Variants in CHD4 observed in about 807,000 individuals in gnomAD.
The protein encoded by CHD4 is ATP-dependent chromatin remodeler CHD4.
In CHD4, 35 loss-of-function variants were observed where a neutral mutation model predicts 235.5. The observed-to-expected ratio is 0.15, with a 90% CI of 0.11 to 0.20. CHD4 has a LOEUF of 0.20. CHD4 is among the 10% of genes least tolerant of loss of function. The pLI is 1.00. For missense variants in CHD4, 1,329 were observed against 2,432.3 expected (o/e 0.55, Z 9.54); for synonymous variants, 900 against 850.2 (o/e 1.06, Z -1.02).
Position 6,599,902 on chromosome 12 carries a change from G to A in CHD4, c.1353C>T (p.Phe451=), listed in dbSNP as rs778512761. Residue 451 remains phenylalanine (F), a synonymous_variant, in exon 10 of 40, where the codon TTC becomes TTT. Transcript: ENST00000544040. ...CCCCACCATCCTTGCAGACCCGACA[G>A]AATTCCATATGGTGGTCATCCTCCT... ...LEEEDDHHME[F]CRVCKDGGEL... 10 of 1,614,160 alleles carry A rather than the reference G, an allele frequency of 6.2e-6. 1 individual carries two copies. The Admixed American group carries it at 6.7e-5, about 11-fold the overall frequency.
intron 37 of CHD4, 43 bp downstream of exon 37, chr12:6,577,742 C>G (rs372040899): frequency 5.6e-6 from 9 of 1,610,766 alleles, no homozygotes; most frequent in Non-Finnish European, 5.9e-6. Flanking sequence ...TACGCACTTT[C>G]AAGTTTGTCA....
rs1043887908 is a variant in CHD4 at position 6,597,485 on chromosome 12, G to C, written c.1892+409C>G. ...TGTCTCAAAATAAATATATAAGGCT[G>C]AGCGTGGTGGCTCACGCCTGTTAAT... is the stretch of plus-strand genomic sequence containing the variant. On this transcript the variant is annotated intron_variant, in intron 12 of 39. Transcript: ENST00000544040. Among the ~76,000 whole-genome samples the C allele has an allele frequency of 2.0e-5, 3 of 151,160 alleles. 1 individual carries two copies. The East Asian group carries it at 5.9e-4, about 30-fold the overall frequency.
At chr12:6,602,761 C>T (rs992826590) in intron 2 of CHD4, among the ~76,000 whole-genome samples, 1 of 152,152 alleles carries the variant, frequency 6.6e-6, no homozygotes, top group Admixed American at 6.5e-5. Flanking sequence ...CTCTCCCGTT[C>T]CTACCAGTCC....
At chr12:6,587,253 G>A in intron 25 of CHD4, 131 bp downstream of exon 25, 1 of 873,542 alleles carries the variant, frequency 1.1e-6, no homozygotes, top group Non-Finnish European at 1.8e-6. Context: ...GTTTTCAAAG[G>A]AAGAGGATCA....
intron 37 of CHD4, among the ~76,000 whole-genome samples, chr12:6,576,221 G>T (rs1592259202): frequency 6.6e-6 from 1 of 152,260 alleles, no homozygotes; most frequent in East Asian, 1.9e-4. Context: ...GCTGGGCGTG[G>T]TGGCACACGC....
intron 5 of CHD4, 49 bp from the exon 6 acceptor site, chr12:6,601,579 A>T: frequency 6.2e-7 from 1 of 1,612,930 alleles, no homozygotes. Context: ...AGAATAAAAA[A>T]AGAAAGAGAA....
In CHD4 at chr12:6,578,387, G is replaced by C. The variant is rs763918604; in HGVS notation, c.5119+22C>G. On this transcript the variant is annotated intron_variant, in intron 35 of 39. Transcript: ENST00000544040. ...TTTCACATCAGATCCTTCTAACCCTGGTGGGCCCCTCATTTCCATACCAGT... is the reference window on the plus strand; with the variant it reads ...TTTCACATCAGATCCTTCTAACCCTCGTGGGCCCCTCATTTCCATACCAGT... 53 of 1,608,928 alleles carry C rather than the reference G, an allele frequency of 3.3e-5. No homozygotes were observed. In the South Asian group the frequency reaches 4.8e-4, roughly 14 times the overall value.
chr12:6,577,987 C>T (rs1948100993), intron 36 of CHD4, 42 bp downstream of exon 36: 2 of 1,611,748 alleles, frequency 1.2e-6, no homozygotes, highest in Admixed American at 1.7e-5. Flanking sequence ...ACCTTCAGAA[C>T]CTTTCACCAA....
chr12:6,574,587 C>T (rs780557518), intron 37 of CHD4, among the ~76,000 whole-genome samples: 1 of 152,192 alleles, frequency 6.6e-6, no homozygotes, highest in African/African-American at 2.4e-5. Flanking sequence ...TGTCAGCCAG[C>T]AGTTCTATGC....
At chr12:6,580,288 G>A (rs889154136) in intron 33 of CHD4, 5 of 151,992 alleles carry the variant, frequency 3.3e-5, no homozygotes, top group African/African-American at 1.2e-4. Context: ...CTTAAGTTAG[G>A]GGAAAACCTG....
At position 6,570,495 on chromosome 12, in the gene CHD4, G is replaced by A; in HGVS notation, c.*181C>T. On this transcript the variant is annotated 3_prime_UTR_variant, in exon 40 of 40. Coordinates refer to ENST00000544040, the MANE Select transcript of CHD4 (RefSeq NM_001273.5). ...GCTACTGCTGCATGTCTCTTCTGCA[G>A]GAAGGGCACCACTGCCCCTCACTCC... is the stretch of plus-strand genomic sequence containing the variant. The A allele has an allele frequency of 1.4e-6, 1 of 692,258 alleles. No homozygotes were observed. The highest frequency in any genetic ancestry group is 2.4e-6 in the Non-Finnish European group (1 of 411,086). 42.9% of individuals were successfully genotyped at this position (692,258 alleles called of 1,614,324 possible).
intron 4 of CHD4, 77 bp from the exon 5 acceptor site, chr12:6,601,843 C>G (rs561676543): frequency 6.4e-7 from 1 of 1,560,252 alleles, no homozygotes; most frequent in Non-Finnish European, 8.8e-7. Context: ...GTGGAAAAAT[C>G]AGAGTAACAG....
At chr12:6,600,743 T>A (rs1458777261) in intron 7 of CHD4, 74 bp from the exon 8 acceptor site, 14 of 1,560,896 alleles carry the variant, frequency 9.0e-6, no homozygotes, top group Non-Finnish European at 1.2e-5. Flanking sequence ...AGGGGAGTAC[T>A]CTCTCACTGG....
At chr12:6,606,595 T>G in intron 1 of CHD4, 144 bp from the exon 2 acceptor site, 1 of 425,998 alleles carries the variant, frequency 2.3e-6, no homozygotes, top group Non-Finnish European at 4.2e-6. Context: ...AGTTCCACAC[T>G]CCTCGGGGGC....
At chr12:6,603,367 T>C (rs1948631336) in intron 2 of CHD4, among the ~76,000 whole-genome samples, 1 of 151,740 alleles carries the variant, frequency 6.6e-6, no homozygotes, top group Admixed American at 6.6e-5. Flanking sequence ...TCCTCCCTCC[T>C]CTCTCCCTCT....
At chr12:6,600,454 C>CCCCCCCCAAA in intron 8 of CHD4, 59 bp from the exon 9 acceptor site, 6 of 1,600,032 alleles carry the variant, frequency 3.7e-6, no homozygotes, top group Non-Finnish European at 4.3e-6. Flanking sequence ...CCCCACCCCC[C>CCCCCCCCAAA]GACCCCTATC....
chr12:6,571,732 G>A (rs1183452311), intron 38 of CHD4: 2 of 79,796 alleles, frequency 2.5e-5, no homozygotes, highest in Non-Finnish European at 4.3e-5. Context: ...AGGCAGAGGC[G>A]GTGGATCACC....
rs1183103833 is a variant in CHD4, at chr12:6,594,449, A to T, written c.2313+10T>A. 8.8e-6 allele frequency: 14 copies of T among 1,596,700 alleles called. No homozygotes were observed. The highest frequency in any genetic ancestry group is 1.2e-5 in the Non-Finnish European group (14 of 1,169,726). ...CCACACAAAAAACTATCCACCCCAG[A>T]TTTCCTTACCTCCTTGTAAAGGGAA... On this transcript the variant is annotated intron_variant, in intron 15 of 39. Coordinates refer to ENST00000544040, the MANE Select transcript of CHD4 (RefSeq NM_001273.5).
Position 6,600,015 on chromosome 12 carries a change from G to A in CHD4, c.1243-3C>T, listed in dbSNP as rs1381966256. The stretch of plus-strand genomic sequence containing the variant: ...TCCCACTGGATGCCTTCCTTCTCCT[G>A]CAGTAAAGGACCACAGATTCAGATT... On this transcript the variant is annotated splice_polypyrimidine_tract_variant and splice_region_variant and intron_variant, in intron 9 of 39. Transcript: ENST00000544040. The A allele has an allele frequency of 3.1e-6, 5 of 1,613,808 alleles. No individual in the cohort carries two copies. Among genetic ancestry groups the A allele is most frequent in the South Asian group, 1.1e-5 (1 of 91,070 alleles).
Sources: gnomAD v4.1 joint callset for allele counts (sites outside exome capture counted in the v4.1 genomes callset) on GRCh38, gnomAD v4.1.1 for gene constraint, MANE v1.5 for transcripts, NCBI Gene and HGNC (gene_info 2026-07-23, HGNC 2026-07-21) for gene names.